NFKBIZ: variants seen among roughly 807,000 people sequenced by gnomAD.
NFKBIZ encodes the protein NF-kappa-B inhibitor zeta.
A neutral mutation model predicts 76.8 loss-of-function variants in NFKBIZ; 19 were observed. That is an observed-to-expected ratio of 0.25 (90% CI 0.17 to 0.36). The LOEUF (loss-of-function observed/expected upper bound fraction) is 0.36. Ranked by LOEUF, NFKBIZ falls within the 10% of genes least tolerant of loss-of-function variation. NFKBIZ has a pLI of 1.00. For synonymous variants in NFKBIZ, 368 were observed against 354.8 expected (o/e 1.04, Z -0.42); for missense variants, 829 against 910.9 (o/e 0.91, Z 1.16).
intron 5 of NFKBIZ, 97 bp from the exon 6 acceptor site, chr3:101,854,480 TA>T: frequency 4.1e-6 from 3 of 727,448 alleles, no homozygotes; most frequent in Non-Finnish European, 7.0e-6. Context: ...TACCAATATA[TA>T]AAAAGGGGGC....
chr3:101,829,906 A>C (rs1292434788), intron 2 of NFKBIZ, among the ~76,000 whole-genome samples: 4 of 150,302 alleles, frequency 2.7e-5, no homozygotes, highest in African/African-American at 9.8e-5. Flanking sequence ...TGTGTGGTTT[A>C]GTAGTATTTT....
At position 101,853,737 on chromosome 3, in the gene NFKBIZ, T is replaced by G. The variant is rs751603560; in HGVS notation, c.1211T>G (p.Met404Arg). The change falls in exon 5 of 12, where the codon ATG becomes AGG. Residue 404 changes from methionine (M) to arginine (R), a missense_variant. Coordinates refer to ENST00000326172, the MANE Select transcript of NFKBIZ (RefSeq NM_031419.4). The part of the protein sequence containing the change: ...SSNTSLPFSN[M>R]GNPMNTTQLG... ...AACACTTCACTGCCATTCTCAAACATGGGAAATCCAATGAACACCACACAG... is the reference window on the plus strand; with the variant it reads ...AACACTTCACTGCCATTCTCAAACAGGGGAAATCCAATGAACACCACACAG... 11 of 1,614,092 alleles carry G rather than the reference T, an allele frequency of 6.8e-6. No individual in the cohort carries two copies. The Admixed American group carries it at 1.5e-4, about 22-fold the overall frequency.
At chr3:101,845,552 A>G (rs148386355), upstream of NFKBIZ, among the ~76,000 whole-genome samples, 1,488 of 152,166 alleles carry the variant, frequency 9.8e-3, 26 homozygotes, top group African/African-American at 0.033. Context: ...ACTTCCTGCC[A>G]TGGCCTCCCA....
upstream of NFKBIZ, chr3:101,849,073 C>T (rs1276807458): frequency 1.3e-5 from 2 of 152,390 alleles, no homozygotes; most frequent in African/African-American, 4.8e-5. Context: ...TGCCAGTCCC[C>T]AAGAACCAGG....
intron 9 of NFKBIZ, chr3:101,856,121 G>A (rs1943045772): frequency 9.9e-6 from 3 of 302,504 alleles, no homozygotes; most frequent in Non-Finnish European, 1.8e-5. Flanking sequence ...TGCGATCTTG[G>A]CTCACTGCAA....
chr3:101,854,429 C>G, intron 5 of NFKBIZ, 149 bp from the exon 6 acceptor site: 1 of 594,744 alleles, frequency 1.7e-6, no homozygotes, highest in Non-Finnish European at 3.0e-6. Context: ...ATCAATGTAG[C>G]AGAAAAGACA....
upstream of NFKBIZ, among the ~76,000 whole-genome samples, chr3:101,847,817 T>C (rs956697217): frequency 6.6e-6 from 1 of 152,182 alleles, no homozygotes; most frequent in East Asian, 1.9e-4. Context: ...CAGGGTCTTA[T>C]GCCACCTACT....
chr3:101,858,359 T>C (rs1943082395), intron 11 of NFKBIZ: 5 of 975,558 alleles, frequency 5.1e-6, no homozygotes, highest in African/African-American at 1.8e-5. Flanking sequence ...AGAAGAACTT[T>C]ACAAGTTTCA....
Position 101,854,657 on chromosome 3 carries a change from C to T in NFKBIZ, c.1417C>T (p.Leu473=). The change falls in exon 6 of 12, where the codon CTG becomes TTG. Residue 473 remains leucine (L), a synonymous_variant. Coordinates refer to ENST00000326172, the MANE Select transcript of NFKBIZ (RefSeq NM_031419.4). ...AAGAAAGATGAATGCACTTCACATG[C>T]TGGATATTAAAGAGCACAATGGACA... ...LARKMNALHM[L]DIKEHNGQSA... 3 of 1,613,778 alleles carry T rather than the reference C, an allele frequency of 1.9e-6. No individual in the cohort carries two copies. Among genetic ancestry groups the T allele is most frequent in the Non-Finnish European group, 1.7e-6 (2 of 1,179,770 alleles).
chr3:101,835,656 G>C (rs1264469671), intron 2 of NFKBIZ, among the ~76,000 whole-genome samples: 1 of 152,118 alleles, frequency 6.6e-6, no homozygotes, highest in Non-Finnish European at 1.5e-5. Flanking sequence ...AGTCAGATTA[G>C]ATGAGGACTC....
Position 101,855,755 on chromosome 3 carries a change from A to C in NFKBIZ, c.1677A>C (p.Ala559=). ...NYDGLTPLHC[A]VIAHNAVVHE... is the part of the protein sequence containing the mutation. ...TAGGCCTGACTCCCCTTCACTGTGC[A>C]GTCATAGCCCACAATGCTGTGGTCC... The change falls in exon 9 of 12, where the codon GCA becomes GCC. Residue 559 remains alanine (A), a synonymous_variant. Transcript: ENST00000326172. 1 of 1,607,214 alleles carries C rather than the reference A, an allele frequency of 6.2e-7. No homozygotes were observed. The highest frequency in any genetic ancestry group is 8.5e-7 in the Non-Finnish European group (1 of 1,177,928).
intron 1 of NFKBIZ, 101 bp downstream of exon 1, chr3:101,850,018 G>A: frequency 8.8e-7 from 1 of 1,132,014 alleles, no homozygotes; most frequent in Non-Finnish European, 1.1e-6. Context: ...GCCCTCCTTA[G>A]AGCTAGGACG....
At chr3:101,852,715 A>G in intron 2 of NFKBIZ, 23 bp from the exon 3 acceptor site, 1 of 1,586,564 alleles carries the variant, frequency 6.3e-7, no homozygotes, top group South Asian at 1.1e-5. Context: ...TATACACTAA[A>G]TTGGAAACTT....
At chr3:101,849,277 G>T, upstream of NFKBIZ, 1 of 189,634 alleles carries the variant, frequency 5.3e-6, no homozygotes, top group South Asian at 1.7e-4. Flanking sequence ...GCGCTGTCGG[G>T]GTTTCCCGGT....
upstream of NFKBIZ, chr3:101,849,366 C>T (rs1213936892): frequency 6.0e-5 from 20 of 332,942 alleles, no homozygotes; most frequent in Admixed American, 9.8e-5. Flanking sequence ...GGCGCATTGC[C>T]TCATCCTGTA....
chr3:101,840,287 A>G (rs1942771688), intron 2 of NFKBIZ, among the ~76,000 whole-genome samples: 1 of 152,176 alleles, frequency 6.6e-6, no homozygotes, highest in Non-Finnish European at 1.5e-5. Flanking sequence ...CTTGGTGTCT[A>G]TAGTGGGTAA....
rs971499460 is a variant in NFKBIZ, at chr3:101,849,882, G to A, written c.254G>A (p.Arg85Gln). The A allele has an allele frequency of 2.1e-6, 3 of 1,445,064 alleles. No individual in the cohort carries two copies. Among genetic ancestry groups the A allele is most frequent in the South Asian group, 1.4e-5 (1 of 73,704 alleles). The allele number at this position is 1,445,064 out of a possible 1,614,324, so 89.5% of individuals were successfully genotyped here. A position where few individuals can be genotyped will look rare whatever the true frequency, so the allele number is the denominator to read the frequency against. The change falls in exon 1 of 12, where the codon CGG (arginine) becomes CAG (glutamine). Residue 85 changes from arginine to glutamine, a missense_variant. Around this residue, in one of 4 missense-constraint regions of NFKBIZ, gnomAD observed 181 missense variants for 175.3 expected, o/e 1.03. Transcript: ENST00000326172. ...SVSSCGAVES[R>Q]SRGGARAERQ... is the part of the protein sequence containing the mutation. Reference sequence around the variant, plus strand: ...TCCTCCTGCGGCGCCGTGGAGTCCCGGTCGAGAGGCGGCGCCCGCGCCGAG... The same window carrying A: ...TCCTCCTGCGGCGCCGTGGAGTCCCAGTCGAGAGGCGGCGCCCGCGCCGAG...
chr3:101,835,424 G>A (rs945838168), intron 2 of NFKBIZ, among the ~76,000 whole-genome samples: 4 of 152,198 alleles, frequency 2.6e-5, no homozygotes, highest in Non-Finnish European at 5.9e-5. Context: ...GTTTGCTAGG[G>A]CTGCCGTAAC....
rs1943109518 is a variant in NFKBIZ, at chr3:101,859,948, A to G, written c.*577A>G. 6.6e-6 allele frequency: 1 copy of G among 152,282 alleles called. No individual in the cohort carries two copies. The highest frequency in any genetic ancestry group is 2.1e-4 in the South Asian group (1 of 4,836). The allele number at this position is 152,282 out of a possible 1,614,324, so 9.4% of individuals were successfully genotyped here. ...CATACTTGGTTGTTAACATGGTCAT[A>G]TTTGAAATGTATAAGTCCATAAAAT... On this transcript the variant is annotated 3_prime_UTR_variant, in exon 12 of 12. Transcript: ENST00000326172.
Sources: allele counts gnomAD v4.1 joint callset (sites outside exome capture counted in the v4.1 genomes callset), GRCh38; gene constraint gnomAD v4.1.1; regional missense constraint gnomAD v4.1.1; transcripts MANE v1.5; gene names NCBI Gene and HGNC (gene_info 2026-07-23, HGNC 2026-07-21).